The following CCDC12 variants were observed in gnomAD, a reference collection of about 807,000 sequenced individuals.
CCDC12 encodes the protein coiled-coil domain-containing protein 12.
In CCDC12, 28 loss-of-function variants were observed where a neutral mutation model predicts 25.7. The observed-to-expected ratio is 1.09, with a 90% CI of 0.81 to 1.50. The LOEUF is 1.50. Ranked by LOEUF, CCDC12 falls within the 40% of genes most tolerant of loss-of-function variation. The probability of loss-of-function intolerance (pLI) is 0.00; values close to 1 mark genes in which losing one functional copy is unlikely to be tolerated. For synonymous variants in CCDC12, 75 were observed against 87.7 expected (o/e 0.86, Z 0.81); for missense variants, 198 against 210.0 (o/e 0.94, Z 0.35).
Position 46,933,520 on chromosome 3 carries a change from G to A in CCDC12, c.164+7478C>T, listed in dbSNP as rs188719218. ...CAGGGCTGAGTGTTAGTTAAATGAG[G>A]CCCCTGCCCTGCTGGAGCTGCCATC... On this transcript the variant is annotated intron_variant, in intron 2 of 6. Coordinates refer to ENST00000683445, the MANE Select transcript of CCDC12 (RefSeq NM_001277074.2). Among the ~76,000 whole-genome samples the A allele has an allele frequency of 3.3e-5, 5 of 152,324 alleles. No homozygotes were observed. In the East Asian group the frequency reaches 9.6e-4, roughly 29 times the overall value.
At chr3:46,925,990 G>A (rs2107105066) in intron 2 of CCDC12, among the ~76,000 whole-genome samples, 1 of 152,388 alleles carries the variant, frequency 6.6e-6, no homozygotes, top group African/African-American at 2.4e-5. Flanking sequence ...CAAAAGAGAA[G>A]GCCAGTGGTC....
intron 2 of CCDC12, among the ~76,000 whole-genome samples, chr3:46,936,693 T>C (rs1194018754): frequency 2.0e-5 from 3 of 152,078 alleles, no homozygotes; most frequent in African/African-American, 4.8e-5. Context: ...TCTCAACATG[T>C]GTTCTTCCCC....
intron 2 of CCDC12, among the ~76,000 whole-genome samples, chr3:46,926,832 G>C (rs1462842385): frequency 1.3e-5 from 2 of 152,122 alleles, no homozygotes; most frequent in Admixed American, 1.3e-4. Context: ...GGGCCTCTAA[G>C]GCAGGAAACA....
At chr3:46,956,166 G>A (rs918764844) in intron 1 of CCDC12, among the ~76,000 whole-genome samples, 5 of 152,170 alleles carry the variant, frequency 3.3e-5, no homozygotes, top group Non-Finnish European at 7.3e-5. Flanking sequence ...CACCAAATGA[G>A]AAAAATAAGA....
chr3:46,955,513 G>A (rs2107170164), intron 1 of CCDC12, among the ~76,000 whole-genome samples: 1 of 152,222 alleles, frequency 6.6e-6, no homozygotes, highest in African/African-American at 2.4e-5. Context: ...GGAGAGAAGA[G>A]GGAAGATGCA....
At chr3:46,925,565 G>A (rs2032917224) in intron 2 of CCDC12, 30 bp from the exon 3 acceptor site, 1 of 1,499,624 alleles carries the variant, frequency 6.7e-7, no homozygotes, top group African/African-American at 1.4e-5. Flanking sequence ...AAGCAGAGAT[G>A]AAGTCAGTGT....
chr3:46,925,875 A>G (rs1410242099), intron 2 of CCDC12, among the ~76,000 whole-genome samples: 1 of 152,224 alleles, frequency 6.6e-6, no homozygotes, highest in African/African-American at 2.4e-5. Context: ...GAGGTCAGAG[A>G]GACTGTACCC....
Position 46,923,317 on chromosome 3 carries a change from G to A in CCDC12, c.341+12C>T. The A allele has an allele frequency of 6.7e-7, 1 of 1,484,316 alleles. No individual in the cohort carries two copies. Among genetic ancestry groups the A allele is most frequent in the Middle Eastern group, 2.5e-4 (1 of 4,058 alleles). The allele number at this position is 1,484,316 out of a possible 1,614,324, so 91.9% of individuals were successfully genotyped here. A position where few individuals can be genotyped will look rare whatever the true frequency, so the allele number is the denominator to read the frequency against. On this transcript the variant is annotated intron_variant, in intron 5 of 6. Transcript: ENST00000683445. ...AGTCAGCCTGCACCCGCCACGCACG[G>A]GCAACACTCACCAGTCAGGCTTCCG...
intron 1 of CCDC12, among the ~76,000 whole-genome samples, chr3:46,948,248 C>T (rs2033981193): frequency 6.6e-6 from 1 of 152,202 alleles, no homozygotes; most frequent in Non-Finnish European, 1.5e-5. Context: ...GTGGTGACTA[C>T]CATCCAAGAG....
At chr3:46,923,527 G>C (rs1442682430) in intron 4 of CCDC12, 80 bp downstream of exon 4, 1 of 1,491,830 alleles carries the variant, frequency 6.7e-7, no homozygotes, top group Admixed American at 1.9e-5. Context: ...GAAGGAATGG[G>C]GGGCAGAGGG....
chr3:46,947,664 G>A (rs532285903), intron 1 of CCDC12, among the ~76,000 whole-genome samples: 10 of 152,126 alleles, frequency 6.6e-5, no homozygotes, highest in Non-Finnish European at 1.2e-4. Flanking sequence ...AGGATGACTT[G>A]GTCCGAGTAT....
intron 1 of CCDC12, among the ~76,000 whole-genome samples, chr3:46,946,893 C>G (rs2033929753): frequency 6.6e-6 from 1 of 152,190 alleles, no homozygotes; most frequent in South Asian, 2.1e-4. Context: ...CCCAAGGACT[C>G]AAACTTTTAG....
chr3:46,963,932 A>T (rs1422939453), intron 1 of CCDC12, among the ~76,000 whole-genome samples: 1,899 of 93,068 alleles, frequency 0.02, no homozygotes, highest in African/African-American at 0.025. Flanking sequence ...CTGGGATGTG[A>T]GGAGCCCCTC....
chr3:46,976,325 G>A (rs2034987369), intron 1 of CCDC12: 1 of 1,275,238 alleles, frequency 7.8e-7, no homozygotes, highest in Non-Finnish European at 1.0e-6. Flanking sequence ...ACAAGCATCT[G>A]AACCTACAGG....
chr3:46,959,456 A>G (rs2034399876), intron 1 of CCDC12, among the ~76,000 whole-genome samples: 1 of 152,160 alleles, frequency 6.6e-6, no homozygotes, highest in South Asian at 2.1e-4. Flanking sequence ...AGTGATGATG[A>G]TGGTGGAGCC....
intron 3 of CCDC12, among the ~76,000 whole-genome samples, chr3:46,924,421 CG>C (rs35630786): frequency 6.6e-6 from 1 of 152,218 alleles, no homozygotes; most frequent in East Asian, 1.9e-4. Context: ...AAGCAAATCA[CG>C]GGGAAGTGTC....
At chr3:46,959,064 T>C (rs922084343) in intron 1 of CCDC12, among the ~76,000 whole-genome samples, 2 of 152,184 alleles carry the variant, frequency 1.3e-5, no homozygotes, top group Non-Finnish European at 2.9e-5. Flanking sequence ...GTAAGACAGC[T>C]GTCTGCTCTC....
chr3:46,945,475 G>A (rs757492476), intron 1 of CCDC12, among the ~76,000 whole-genome samples: 6 of 152,238 alleles, frequency 3.9e-5, no homozygotes, highest in African/African-American at 2.4e-5. Flanking sequence ...AAGCCTTTGA[G>A]GCAGGATTTC....
intron 1 of CCDC12, among the ~76,000 whole-genome samples, chr3:46,970,200 G>A (rs749298763): frequency 1.6e-4 from 25 of 151,906 alleles, no homozygotes; most frequent in African/African-American, 5.3e-4. Flanking sequence ...TGTCCAACCC[G>A]CAGACCAAGG....
Sources: allele counts gnomAD v4.1 joint callset (sites outside exome capture counted in the v4.1 genomes callset), GRCh38; gene constraint gnomAD v4.1.1; transcripts MANE v1.5; gene names NCBI Gene and HGNC (gene_info 2026-07-23, HGNC 2026-07-21).